SCAPER: variants seen among roughly 807,000 people sequenced by gnomAD.
SCAPER encodes the protein S-phase cyclin A associated protein in the ER, also known as S phase cyclin A-associated protein in the endoplasmic reticulum.
A neutral mutation model predicts 182.2 loss-of-function variants in SCAPER; 98 were observed. The observed-to-expected ratio is 0.54, with a 90% CI of 0.46 to 0.64. The LOEUF (loss-of-function observed/expected upper bound fraction) is 0.64. SCAPER is among the 30% of genes least tolerant of loss of function. SCAPER has a pLI of 0.00. For missense variants in SCAPER, 1,432 were observed against 1,690.0 expected (o/e 0.85, Z 2.68); for synonymous variants, 605 against 564.6 (o/e 1.07, Z -1.01).
rs78770940 is a variant in SCAPER, at chr15:76,566,036, C to T, written c.2838+8122G>A. ...GAATTCCAGCTGAAAATAAGAGAAG[C>T]AGAACCACGGGGTTTGGAAGATGGG... On this transcript the variant is annotated intron_variant, in intron 23 of 31. Coordinates refer to ENST00000563290, the MANE Select transcript of SCAPER (RefSeq NM_020843.4). Among the ~76,000 whole-genome samples, 61 of 152,170 alleles carry T rather than the reference C, an allele frequency of 4.0e-4. No individual in the cohort carries two copies. In the East Asian group the frequency reaches 0.012, roughly 29 times the overall value.
chr15:76,548,668 A>C (rs1282716102), intron 23 of SCAPER, among the ~76,000 whole-genome samples: 1 of 152,250 alleles, frequency 6.6e-6, no homozygotes, highest in Non-Finnish European at 1.5e-5. Context: ...GATCTTTGAC[A>C]AACCTGACAA....
chr15:76,434,322 A>G lies in SCAPER; in HGVS notation c.3079-12T>C, dbSNP rs752102507. The G allele has an allele frequency of 1.9e-6, 3 of 1,569,232 alleles. No homozygotes were observed. The highest frequency in any genetic ancestry group is 2.6e-6 in the Non-Finnish European group (3 of 1,147,396). ...TCTGGAACATAAACCTAGATGAAAAAAAAGTACAGTAAATATGTTTCAATA... is the reference window on the plus strand; with the variant it reads ...TCTGGAACATAAACCTAGATGAAAAGAAAGTACAGTAAATATGTTTCAATA... On this transcript the variant is annotated splice_polypyrimidine_tract_variant and intron_variant, in intron 25 of 31. Transcript: ENST00000563290.
chr15:76,401,895 G>A (rs2044485060), intron 27 of SCAPER, among the ~76,000 whole-genome samples: 1 of 152,200 alleles, frequency 6.6e-6, no homozygotes, highest in South Asian at 2.1e-4. Flanking sequence ...GGGAGGCTGA[G>A]GTGAGTGGAG....
intron 20 of SCAPER, among the ~76,000 whole-genome samples, chr15:76,678,931 A>G (rs1168932730): frequency 6.6e-6 from 1 of 152,170 alleles, no homozygotes; most frequent in Non-Finnish European, 1.5e-5. Flanking sequence ...TCTGGGGGCC[A>G]GAGTTTTATT....
chr15:76,354,135 G>A lies in SCAPER; in HGVS notation c.3861C>T (p.Ile1287=), dbSNP rs781747592. The A allele has an allele frequency of 8.7e-6, 14 of 1,601,386 alleles. No homozygotes were observed. The highest frequency in any genetic ancestry group is 2.3e-5 in the East Asian group (1 of 43,992). Reference sequence around the variant, plus strand: ...CTGTGGGGTGGCGGCCGGACTGCACGATCACCTGAAATGGAAGAGCAGCCC... The same window carrying A: ...CTGTGGGGTGGCGGCCGGACTGCACAATCACCTGAAATGGAAGAGCAGCCC... ...FTVNHPDNQV[I]VQSGRHPTVL... Residue 1287 remains isoleucine (I), a synonymous_variant, in exon 30 of 32, where the codon ATC becomes ATT. Coordinates refer to ENST00000563290, the MANE Select transcript of SCAPER (RefSeq NM_020843.4). This position sits in a 1 kb window ranked among gnomAD's most constrained non-coding sequence, Gnocchi z 4.4.
chr15:76,899,941 T>C (rs2074672290), intron 1 of SCAPER, among the ~76,000 whole-genome samples: 1 of 152,236 alleles, frequency 6.6e-6, no homozygotes, highest in African/African-American at 2.4e-5. Flanking sequence ...AGATTGTTAC[T>C]GTGTCTGTGT....
At chr15:76,884,744 A>G (rs151197185) in intron 1 of SCAPER, among the ~76,000 whole-genome samples, 47 of 152,354 alleles carry the variant, frequency 3.1e-4, no homozygotes, top group Middle Eastern at 3.4e-3. Flanking sequence ...TAACAGCTAA[A>G]AAGTAGAAAC....
intron 23 of SCAPER, among the ~76,000 whole-genome samples, chr15:76,524,531 T>G (rs2043042561): frequency 6.6e-6 from 1 of 152,020 alleles, no homozygotes; most frequent in African/African-American, 2.4e-5. Flanking sequence ...ATATATTCAC[T>G]TAATATTTAC....
chr15:76,574,416 G>C (rs1474494708), intron 22 of SCAPER, 132 bp from the exon 23 acceptor site: 15 of 928,906 alleles, frequency 1.6e-5, no homozygotes, highest in Non-Finnish European at 2.2e-5. Flanking sequence ...TCTGAGGGGA[G>C]AAAAAACCAG....
At chr15:76,846,502 G>T (rs1392086007) in intron 4 of SCAPER, among the ~76,000 whole-genome samples, 1 of 151,922 alleles carries the variant, frequency 6.6e-6, no homozygotes, top group Non-Finnish European at 1.5e-5. Flanking sequence ...CAACTCAATA[G>T]GAAAAAATCT....
chr15:76,529,099 A>G (rs1472947606), intron 23 of SCAPER, among the ~76,000 whole-genome samples: 2 of 152,188 alleles, frequency 1.3e-5, no homozygotes, highest in Non-Finnish European at 2.9e-5. Context: ...GGGGGAGTGC[A>G]TAGGCATGAT....
At chr15:76,869,939 GCAA>G (rs747474879) in intron 2 of SCAPER, among the ~76,000 whole-genome samples, 17 of 152,118 alleles carry the variant, frequency 1.1e-4, no homozygotes, top group Non-Finnish European at 2.5e-4. Flanking sequence ...CCTGTCACTT[GCAA>G]CAACATAGAT....
At chr15:76,615,461 G>A (rs1002903030) in intron 22 of SCAPER, among the ~76,000 whole-genome samples, 2 of 142,328 alleles carry the variant, frequency 1.4e-5, no homozygotes, top group African/African-American at 2.6e-5. Flanking sequence ...AAATGTGTCT[G>A]TATGTGTATA....
At chr15:76,831,117 G>A (rs2068434445) in intron 5 of SCAPER, among the ~76,000 whole-genome samples, 1 of 152,170 alleles carries the variant, frequency 6.6e-6, no homozygotes, top group African/African-American at 2.4e-5. Context: ...CAGAGGGTTA[G>A]GCATGGGGAC....
At chr15:76,419,091 C>T (rs148265326) in intron 26 of SCAPER, among the ~76,000 whole-genome samples, 1 of 152,332 alleles carries the variant, frequency 6.6e-6, no homozygotes, top group Non-Finnish European at 1.5e-5. Context: ...ATTCCTGCAG[C>T]CTAGGCTATT....
intron 2 of SCAPER, among the ~76,000 whole-genome samples, chr15:76,874,974 AAAT>A (rs918287708): frequency 6.6e-6 from 1 of 152,122 alleles, no homozygotes; most frequent in African/African-American, 2.4e-5. Context: ...CCTCTCAAAA[AAAT>A]AATAATAATA....
chr15:76,457,905 T>C (rs977964616), intron 25 of SCAPER, among the ~76,000 whole-genome samples: 5 of 152,134 alleles, frequency 3.3e-5, no homozygotes, highest in Non-Finnish European at 7.4e-5. Flanking sequence ...TGGGTATCAT[T>C]TCCCTTCAGC....
intron 17 of SCAPER, among the ~76,000 whole-genome samples, chr15:76,710,679 TTGTAAAGA>T (rs1454016241): frequency 7.2e-5 from 11 of 152,106 alleles, no homozygotes. Context: ...ATATAAAATA[TTGTAAAGA>T]TGTCAATCTC....
chr15:76,604,544 T>G (rs1448850108), intron 22 of SCAPER, among the ~76,000 whole-genome samples: 1 of 98,560 alleles, frequency 1.0e-5, no homozygotes, highest in Non-Finnish European at 2.7e-5. Flanking sequence ...TTAAAGTAGT[T>G]TTTTCTGATT....
Sources: allele counts gnomAD v4.1 joint callset (sites outside exome capture counted in the v4.1 genomes callset), GRCh38; gene constraint gnomAD v4.1.1; non-coding constraint Gnocchi (gnomAD v3.1); transcripts MANE v1.5; gene names NCBI Gene and HGNC (gene_info 2026-07-23, HGNC 2026-07-21).